FAT3: variants seen among roughly 807,000 people sequenced by gnomAD.
The protein encoded by FAT3 is protocadherin Fat 3.
A neutral mutation model predicts 310.2 loss-of-function variants in FAT3; 95 were observed. The observed-to-expected ratio is 0.31, with a 90% CI of 0.26 to 0.36. FAT3 has a LOEUF of 0.36. Among genes scored for constraint, FAT3 ranks in the 10% least tolerant of loss-of-function variants. The probability of loss-of-function intolerance (pLI) is 1.00; values close to 1 mark genes in which losing one functional copy is unlikely to be tolerated. For synonymous variants in FAT3, 2,314 were observed against 2,192.9 expected (o/e 1.06, Z -1.54); for missense variants, 5,408 against 5,715.6 (o/e 0.95, Z 1.74).
At chr11:92,704,549 C>A (rs1475249570) in intron 4 of FAT3, among the ~76,000 whole-genome samples, 1 of 152,070 alleles carries the variant, frequency 6.6e-6, no homozygotes, top group Non-Finnish European at 1.5e-5. Flanking sequence ...CTGGGAAGAG[C>A]CCTAATCCAA....
intron 2 of FAT3, among the ~76,000 whole-genome samples, chr11:92,428,927 A>T (rs193194294): frequency 7.9e-4 from 121 of 152,206 alleles, no homozygotes; most frequent in African/African-American, 2.8e-3. Context: ...CAAGTCCTGA[A>T]TATCCTTGTT....
intron 4 of FAT3, among the ~76,000 whole-genome samples, chr11:92,746,027 C>T (rs1945655295): frequency 6.6e-6 from 1 of 152,190 alleles, no homozygotes; most frequent in African/African-American, 2.4e-5. Flanking sequence ...GATTCACTGG[C>T]CCCAAGGCCT....
intron 1 of FAT3, among the ~76,000 whole-genome samples, chr11:92,322,775 C>T (rs1947655938): frequency 6.6e-6 from 1 of 152,210 alleles, no homozygotes. Context: ...AACTCAGTTA[C>T]ATCTTCAGGT....
chr11:92,616,194 G>A (rs1940795451), intron 3 of FAT3, among the ~76,000 whole-genome samples: 1 of 152,134 alleles, frequency 6.6e-6, no homozygotes, highest in Non-Finnish European at 1.5e-5. Flanking sequence ...AGGATAGTTA[G>A]CTCTTCTTGT....
In FAT3 at chr11:92,354,854, G is replaced by T; in HGVS notation, c.2742G>T (p.Gln914His). The T allele has an allele frequency of 6.2e-7, 1 of 1,613,904 alleles. No homozygotes were observed. Among genetic ancestry groups the T allele is most frequent in the Non-Finnish European group, 8.5e-7 (1 of 1,179,858 alleles). Residue 914 changes from glutamine (Q) to histidine (H), a missense_variant, in exon 2 of 28, where the codon CAG becomes CAT. Coordinates refer to ENST00000525166, the MANE Select transcript of FAT3 (RefSeq NM_001367949.2). ...IEARDKAESGQQLFSVVTLKV... is the reference protein window; with the variant it reads ...IEARDKAESGHQLFSVVTLKV... The stretch of plus-strand genomic sequence containing the variant: ...CCAGGGACAAGGCAGAGAGTGGTCA[G>T]CAGCTGTTTTCAGTTGTCACTCTTA...
chr11:92,381,162 G>A (rs1313546496), intron 2 of FAT3, among the ~76,000 whole-genome samples: 1 of 152,146 alleles, frequency 6.6e-6, no homozygotes, highest in East Asian at 1.9e-4. Flanking sequence ...TTATCCAGAT[G>A]TTAAAAGAGA....
At chr11:92,323,839 C>T (rs928582580) in intron 1 of FAT3, among the ~76,000 whole-genome samples, 4 of 152,260 alleles carry the variant, frequency 2.6e-5, no homozygotes, top group African/African-American at 7.2e-5. Flanking sequence ...TGAAGTCTGG[C>T]GTTGACTGTT....
At chr11:92,814,902 G>A (rs1947782146) in intron 13 of FAT3, among the ~76,000 whole-genome samples, 1 of 152,182 alleles carries the variant, frequency 6.6e-6, no homozygotes, top group South Asian at 2.1e-4. Context: ...TTCCCAGAAT[G>A]AATAGGATTT....
In FAT3 at chr11:92,831,780, C is replaced by G; in HGVS notation, c.9640C>G (p.Gln3214Glu). The change falls in exon 14 of 28, where the codon CAG becomes GAG. Residue 3214 changes from glutamine to glutamate, a missense_variant. Gln to Glu is a conservative substitution (Grantham distance 29). Transcript: ENST00000525166. Reference sequence around the variant, plus strand: ...GCGGGCCACTGACCAGAGTCCTGGACAGTCCCTGTCCTCTCTCACTACTGT... The same window carrying G: ...GCGGGCCACTGACCAGAGTCCTGGAGAGTCCCTGTCCTCTCTCACTACTGT... Reference protein sequence around the residue: ...SVRATDQSPGQSLSSLTTVTI... With the variant: ...SVRATDQSPGESLSSLTTVTI... 2 of 1,613,552 alleles carry G rather than the reference C, an allele frequency of 1.2e-6. No individual in the cohort carries two copies. Among genetic ancestry groups the G allele is most frequent in the Non-Finnish European group, 1.7e-6 (2 of 1,179,760 alleles).
chr11:92,346,132 G>A (rs1948413055), intron 1 of FAT3, among the ~76,000 whole-genome samples: 1 of 152,104 alleles, frequency 6.6e-6, no homozygotes, highest in South Asian at 2.1e-4. Context: ...TCCCAAGTAT[G>A]TCATACGAGC....
intron 2 of FAT3, among the ~76,000 whole-genome samples, chr11:92,516,483 A>G (rs548286021): frequency 7.9e-5 from 12 of 152,228 alleles, no homozygotes; most frequent in African/African-American, 2.6e-4. Context: ...TTGAGGGAAC[A>G]TATCTCAAAA....
intron 4 of FAT3, among the ~76,000 whole-genome samples, chr11:92,700,857 C>T (rs768564415): frequency 2.6e-5 from 4 of 152,148 alleles, no homozygotes; most frequent in Non-Finnish European, 4.4e-5. Context: ...ACAATTTTGG[C>T]CACATTTTTT....
chr11:92,649,053 T>G (rs1402009979), intron 3 of FAT3, among the ~76,000 whole-genome samples: 1 of 152,166 alleles, frequency 6.6e-6, no homozygotes, highest in East Asian at 1.9e-4. Context: ...ACCTGCCCAG[T>G]GAGGCATAAA....
chr11:92,747,892 C>G (rs941796421), intron 4 of FAT3, among the ~76,000 whole-genome samples: 4 of 152,214 alleles, frequency 2.6e-5, no homozygotes, highest in Non-Finnish European at 1.5e-5. Flanking sequence ...GCATTTTGGT[C>G]AAACCCATTC....
rs372307457 is a variant in FAT3, at chr11:92,831,715, C to T, written c.9575C>T (p.Pro3192Leu). ...TCTGGCATCATCATCCTGGAGCAGC[C>T]ACTGGACCGTGAGCAGCAGTCTTCG... ...SSSGIIILEQPLDREQQSSYN... is the reference protein window; with the variant it reads ...SSSGIIILEQLLDREQQSSYN... Residue 3192 changes from proline (P) to leucine (L), a missense_variant, in exon 14 of 28, where the codon CCA (proline) becomes CTA (leucine). Around this residue, in one of 5 missense-constraint regions of FAT3, gnomAD observed 4,588 missense variants for 4,809.8 expected, o/e 0.95. Coordinates refer to ENST00000525166, the MANE Select transcript of FAT3 (RefSeq NM_001367949.2). 9 of 1,613,590 alleles carry T rather than the reference C, an allele frequency of 5.6e-6. No individual in the cohort carries two copies. The African/African-American group carries it at 1.2e-4, about 22-fold the overall frequency.
At chr11:92,240,198 A>G (rs1022360764) in intron 1 of FAT3, among the ~76,000 whole-genome samples, 1 of 151,968 alleles carries the variant, frequency 6.6e-6, no homozygotes, top group South Asian at 2.1e-4. Context: ...TTAGTTTTAC[A>G]TTTTTTTCAT....
In FAT3 at chr11:92,799,001, T is replaced by G. The variant is rs1947253754; in HGVS notation, c.5988T>G (p.Thr1996=). Residue 1996 remains threonine, a synonymous_variant, in exon 10 of 28, where the codon ACT becomes ACG. Coordinates refer to ENST00000525166, the MANE Select transcript of FAT3 (RefSeq NM_001367949.2). Reference sequence around the variant, plus strand: ...CCACCTCAATCTCAGAGAACAACACTAACATAACCAAAGTTGCTATTGTCA... The same window carrying G: ...CCACCTCAATCTCAGAGAACAACACGAACATAACCAAAGTTGCTATTGTCA... ...FYSTSISENN[T]NITKVAIVNA... 4.3e-6 allele frequency: 7 copies of G among 1,613,788 alleles called. No homozygotes were observed. In the African/African-American group the frequency reaches 6.7e-5, roughly 15 times the overall value.
intron 1 of FAT3, among the ~76,000 whole-genome samples, chr11:92,299,511 C>T (rs142214516): frequency 6.6e-6 from 1 of 152,192 alleles, no homozygotes; most frequent in Non-Finnish European, 1.5e-5. Flanking sequence ...TTTCTCACTC[C>T]ATGCTCCTTG....
intron 2 of FAT3, among the ~76,000 whole-genome samples, chr11:92,472,167 T>C (rs1031020221): frequency 6.6e-6 from 1 of 152,058 alleles, no homozygotes; most frequent in Non-Finnish European, 1.5e-5. Context: ...ACTCTTAAGC[T>C]AAATGAGCAG....
Sources: allele counts gnomAD v4.1 joint callset (sites outside exome capture counted in the v4.1 genomes callset), GRCh38; gene constraint gnomAD v4.1.1; regional missense constraint gnomAD v4.1.1; transcripts MANE v1.5; gene names NCBI Gene and HGNC (gene_info 2026-07-23, HGNC 2026-07-21).